The following NEK1 variants were observed in gnomAD, a reference collection of about 807,000 sequenced individuals.
The protein encoded by NEK1 is serine/threonine-protein kinase Nek1.
A neutral mutation model predicts 182.1 loss-of-function variants in NEK1; 137 were observed. That is an observed-to-expected ratio of 0.75 (90% confidence interval 0.65 to 0.87). The LOEUF is 0.87. NEK1 is among the 40% of genes least tolerant of loss of function. NEK1 has a pLI of 0.00. For synonymous variants in NEK1, 513 were observed against 492.2 expected (o/e 1.04, Z -0.56); for missense variants, 1,391 against 1,494.4 (o/e 0.93, Z 1.14).
chr4:169,478,060 C>A (rs1747294595), intron 24 of NEK1, among the ~76,000 whole-genome samples: 1 of 151,836 alleles, frequency 6.6e-6, no homozygotes, highest in African/African-American at 2.4e-5. Flanking sequence ...CTACAAATGA[C>A]ATAAATGTTA....
intron 16 of NEK1, among the ~76,000 whole-genome samples, chr4:169,556,608 A>G (rs781500337): frequency 3.9e-5 from 6 of 152,200 alleles, no homozygotes; most frequent in Non-Finnish European, 5.9e-5. Flanking sequence ...GCAAAAAGTC[A>G]TATCTATCTT....
chr4:169,482,780 G>A (rs747273879), intron 23 of NEK1, among the ~76,000 whole-genome samples: 46 of 152,080 alleles, frequency 3.0e-4, no homozygotes, highest in Admixed American at 5.9e-4. Flanking sequence ...GGGATTACAG[G>A]CACACACCAC....
intron 27 of NEK1, among the ~76,000 whole-genome samples, chr4:169,445,425 T>C (rs79912665): frequency 1.3e-5 from 2 of 151,002 alleles, no homozygotes; most frequent in Non-Finnish European, 3.0e-5. Flanking sequence ...ACCCTGTTTA[T>C]AAAAAAAAGA....
chr4:169,593,815 C>T (rs1311960263), intron 5 of NEK1, among the ~76,000 whole-genome samples: 1 of 151,902 alleles, frequency 6.6e-6, no homozygotes, highest in East Asian at 1.9e-4. Flanking sequence ...GGTGAAACCC[C>T]GTCTTTACTA....
intron 18 of NEK1, among the ~76,000 whole-genome samples, chr4:169,549,811 C>T (rs1419340821): frequency 6.6e-6 from 1 of 152,100 alleles, no homozygotes; most frequent in Non-Finnish European, 1.5e-5. Flanking sequence ...CCTCCGCTTC[C>T]CAGGTTCAAG....
intron 28 of NEK1, among the ~76,000 whole-genome samples, chr4:169,434,823 CAAGGT>C: frequency 1.3e-5 from 2 of 152,228 alleles, no homozygotes; most frequent in African/African-American, 4.8e-5. Context: ...GTCATTCATT[CAAGGT>C]AAGCACTTGG....
At chr4:169,446,628 T>C (rs897428542) in intron 27 of NEK1, among the ~76,000 whole-genome samples, 1 of 151,958 alleles carries the variant, frequency 6.6e-6, no homozygotes, top group Non-Finnish European at 1.5e-5. Context: ...AAATTCAAAA[T>C]AGCTGTTTTA....
chr4:169,441,841 T>TA (rs1250279951), intron 27 of NEK1, among the ~76,000 whole-genome samples: 3 of 152,058 alleles, frequency 2.0e-5, no homozygotes, highest in African/African-American at 7.2e-5. Flanking sequence ...GGCCCAAGTA[T>TA]AGGCCTGCTC....
intron 18 of NEK1, chr4:169,555,482 A>G: frequency 2.1e-6 from 1 of 478,416 alleles, no homozygotes. Flanking sequence ...TCCTTTAAAT[A>G]GTATATTCAG....
At chr4:169,422,430 A>T (rs1735648567) in intron 31 of NEK1, among the ~76,000 whole-genome samples, 1 of 152,180 alleles carries the variant, frequency 6.6e-6, no homozygotes, top group Non-Finnish European at 1.5e-5. Flanking sequence ...AAATTAATGG[A>T]GTCAGTTCCT....
intron 23 of NEK1, among the ~76,000 whole-genome samples, chr4:169,497,196 G>T (rs1028215615): frequency 6.6e-6 from 1 of 152,194 alleles, no homozygotes; most frequent in African/African-American, 2.4e-5. Flanking sequence ...TTGCGTAGAG[G>T]TGTTTATAGT....
At chr4:169,513,719 G>A (rs908135417) in intron 19 of NEK1, among the ~76,000 whole-genome samples, 4 of 152,094 alleles carry the variant, frequency 2.6e-5, no homozygotes, top group South Asian at 2.1e-4. Flanking sequence ...CTATTGTGAG[G>A]TTCAGAACAT....
intron 18 of NEK1, among the ~76,000 whole-genome samples, chr4:169,546,244 C>T (rs1227125182): frequency 6.6e-6 from 1 of 152,084 alleles, no homozygotes; most frequent in Non-Finnish European, 1.5e-5. Flanking sequence ...TTTATTTACC[C>T]AGTAGTCATT....
At chr4:169,538,996 T>C (rs1362114084) in intron 18 of NEK1, among the ~76,000 whole-genome samples, 1 of 152,170 alleles carries the variant, frequency 6.6e-6, no homozygotes, top group Non-Finnish European at 1.5e-5. Flanking sequence ...ATGACAGTGA[T>C]CTAAGGTTCA....
At position 169,506,412 on chromosome 4, in the gene NEK1, A is replaced by G. The variant is rs987570539; in HGVS notation, c.2007+625T>C. Among the ~76,000 whole-genome samples the G allele has an allele frequency of 9.9e-5, 15 of 152,170 alleles. 1 individual carries two copies. The highest frequency in any genetic ancestry group is 4.4e-5 in the Non-Finnish European group (3 of 68,018). On this transcript the variant is annotated intron_variant, in intron 23 of 35. Transcript: ENST00000507142. Reference sequence around the variant, plus strand: ...AGAAGGATGATGTAGTCATTAAATTATGCTGGGATTTTGATAAGCTACTTG... The same window carrying G: ...AGAAGGATGATGTAGTCATTAAATTGTGCTGGGATTTTGATAAGCTACTTG...
At chr4:169,597,105 T>C (rs967767885) in intron 5 of NEK1, among the ~76,000 whole-genome samples, 13 of 152,210 alleles carry the variant, frequency 8.5e-5, no homozygotes, top group African/African-American at 3.1e-4. Flanking sequence ...TAAAGTTCGA[T>C]AGGGATAAAT....
At chr4:169,528,226 T>C (rs966978583) in intron 19 of NEK1, among the ~76,000 whole-genome samples, 5 of 152,146 alleles carry the variant, frequency 3.3e-5, no homozygotes, top group African/African-American at 1.2e-4. Context: ...ACTCCTGTAA[T>C]TGTCACATTA....
chr4:169,401,190 T>C (rs997351663), intron 33 of NEK1, among the ~76,000 whole-genome samples: 2 of 152,200 alleles, frequency 1.3e-5, no homozygotes, highest in Non-Finnish European at 2.9e-5. Flanking sequence ...ATTAATATCA[T>C]ATAGTTATTG....
intron 8 of NEK1, 56 bp from the exon 9 acceptor site, chr4:169,587,669 A>T: frequency 9.3e-7 from 1 of 1,077,316 alleles, no homozygotes; most frequent in South Asian, 1.5e-5. Flanking sequence ...TTTTCATTTA[A>T]AGGAAACACA....
Sources: allele counts gnomAD v4.1 joint callset (sites outside exome capture counted in the v4.1 genomes callset), GRCh38; gene constraint gnomAD v4.1.1; transcripts MANE v1.5; gene names NCBI Gene and HGNC (gene_info 2026-07-23, HGNC 2026-07-21).